The following FARP2 variants were observed in gnomAD, a reference collection of about 807,000 sequenced individuals.
The protein encoded by FARP2 is FERM, ARHGEF and pleckstrin domain-containing protein 2.
A neutral mutation model predicts 130.5 loss-of-function variants in FARP2; 111 were observed. That is an observed-to-expected ratio of 0.85 (90% confidence interval 0.73 to 1.00). The LOEUF (loss-of-function observed/expected upper bound fraction) is 1.00. Ranked by LOEUF, FARP2 falls within the 50% of genes least tolerant of loss-of-function variation. The pLI, the probability that FARP2 is intolerant of heterozygous loss-of-function variation, is 0.00. For synonymous variants in FARP2, 504 were observed against 516.9 expected (o/e 0.98, Z 0.34); for missense variants, 1,385 against 1,346.3 (o/e 1.03, Z -0.45).
intron 2 of FARP2, among the ~76,000 whole-genome samples, chr2:241,383,511 G>A (rs955526056): frequency 2.0e-5 from 3 of 152,218 alleles, no homozygotes. Context: ...GGTGGGAGTG[G>A]AGCAGAGAGG....
chr2:241,401,609 T>C (rs2062167760), intron 2 of FARP2, among the ~76,000 whole-genome samples: 3 of 152,024 alleles, frequency 2.0e-5, no homozygotes, highest in Non-Finnish European at 4.4e-5. Context: ...GCAATCCTCC[T>C]CCCTCAGGTT....
chr2:241,437,670 A>AATTTTTTT (rs2063272804), intron 12 of FARP2, among the ~76,000 whole-genome samples: 2 of 133,112 alleles, frequency 1.5e-5, no homozygotes, highest in Non-Finnish European at 3.2e-5. Context: ...TTATTTATTT[A>AATTTTTTT]TTTTTTTTTT....
In FARP2 at chr2:241,434,185, T is replaced by G. The variant is rs1382195964; in HGVS notation, c.895T>G (p.Leu299Val). 4 of 1,612,256 alleles carry G rather than the reference T, an allele frequency of 2.5e-6. No homozygotes were observed. Among genetic ancestry groups the G allele is most frequent in the Non-Finnish European group, 3.4e-6 (4 of 1,179,330 alleles). The change falls in exon 10 of 27, where the codon TTG becomes GTG. Residue 299 changes from leucine (L) to valine (V), a missense_variant. Transcript: ENST00000264042. ...ACCTTACCAGGACACATTAGAATTT[T>G]TGTTGGGTAGTAGAGATGAATGTAA... ...HGPYQDTLEFLLGSRDECKNF... is the reference protein window; with the variant it reads ...HGPYQDTLEFVLGSRDECKNF...
chr2:241,429,226 GC>G (rs1263882159), intron 8 of FARP2, among the ~76,000 whole-genome samples: 1 of 152,168 alleles, frequency 6.6e-6, no homozygotes, highest in Non-Finnish European at 1.5e-5. Context: ...TACCTGAGAT[GC>G]CCGTCTGCCT....
At chr2:241,465,347 C>A in intron 17 of FARP2, 2 of 796,330 alleles carry the variant, frequency 2.5e-6, no homozygotes, top group Middle Eastern at 3.2e-4. Flanking sequence ...CAGAGTCCCC[C>A]CTCCCCAGGG....
At chr2:241,437,160 T>C (rs760916520) in intron 12 of FARP2, among the ~76,000 whole-genome samples, 120 of 152,210 alleles carry the variant, frequency 7.9e-4, no homozygotes, top group Non-Finnish European at 9.1e-4. Flanking sequence ...AAAAAGAGTA[T>C]GTGGTAACAT....
chr2:241,483,627 C>T, intron 20 of FARP2, 94 bp downstream of exon 20: 1 of 1,400,092 alleles, frequency 7.1e-7, no homozygotes. Context: ...GCCCATTGGC[C>T]TCTGGGTAGT....
rs976637041 is a variant in FARP2 at position 241,459,755 on chromosome 2, C to A, written c.1588-2768C>A. The stretch of plus-strand genomic sequence containing the variant: ...GACATTGATCTAGAGGTGGGGGCAG[C>A]GTGGCAGCTGCTGTATTTTCTGTCC... On this transcript the variant is annotated intron_variant, in intron 14 of 26. Transcript: ENST00000264042. This position sits in a 1 kb window ranked among gnomAD's most constrained non-coding sequence, Gnocchi z 5.3. Among the ~76,000 whole-genome samples, 4 of 136,468 alleles carry A rather than the reference C, an allele frequency of 2.9e-5. No homozygotes were observed. The highest frequency in any genetic ancestry group is 1.1e-4 in the African/African-American group (4 of 36,926). The allele number at this position is 136,468 out of a possible 152,430, so 89.5% of individuals were successfully genotyped here.
At chr2:241,399,981 C>T (rs2150342238) in intron 2 of FARP2, among the ~76,000 whole-genome samples, 1 of 151,056 alleles carries the variant, frequency 6.6e-6, no homozygotes. Context: ...TACAAATACC[C>T]ATATAACTGT....
chr2:241,412,846 G>A (rs748825910), intron 6 of FARP2, among the ~76,000 whole-genome samples: 3 of 152,070 alleles, frequency 2.0e-5, no homozygotes, highest in Non-Finnish European at 4.4e-5. Flanking sequence ...TGGGCAATGT[G>A]GCAAAACCTT....
intron 9 of FARP2, among the ~76,000 whole-genome samples, chr2:241,433,836 G>GC (rs1354301825): frequency 6.6e-6 from 1 of 152,136 alleles, no homozygotes; most frequent in Non-Finnish European, 1.5e-5. Flanking sequence ...GACCAGCCTG[G>GC]CCAACATGGC....
At chr2:241,391,566 C>G (rs1019957607) in intron 2 of FARP2, among the ~76,000 whole-genome samples, 1 of 152,196 alleles carries the variant, frequency 6.6e-6, no homozygotes, top group Non-Finnish European at 1.5e-5. Flanking sequence ...CCACCTTCCC[C>G]CACTTCTGAG....
intron 2 of FARP2, among the ~76,000 whole-genome samples, chr2:241,400,770 C>T (rs1244289389): frequency 1.1e-4 from 17 of 152,148 alleles, no homozygotes. Flanking sequence ...GGAGGACTGT[C>T]CTGGTGATCC....
chr2:241,491,416 C>G, intron 23 of FARP2, 100 bp from the exon 24 acceptor site: 1 of 1,331,844 alleles, frequency 7.5e-7, no homozygotes, highest in Non-Finnish European at 1.0e-6. Context: ...AAGGGCTCCC[C>G]ATTTCCCCAG....
chr2:241,453,597 G>A (rs1323199418), intron 13 of FARP2, among the ~76,000 whole-genome samples: 1 of 151,428 alleles, frequency 6.6e-6, no homozygotes, highest in Non-Finnish European at 1.5e-5. Context: ...ACTCCAGCCT[G>A]GGTGAAAGAG....
intron 12 of FARP2, among the ~76,000 whole-genome samples, chr2:241,439,632 A>G (rs1030483807): frequency 2.0e-5 from 3 of 152,272 alleles, no homozygotes; most frequent in Admixed American, 2.0e-4. Context: ...CCCGGCCTTC[A>G]AAAGAATTTA....
chr2:241,482,458 G>A lies in FARP2; in HGVS notation c.2263-1007G>A, dbSNP rs939669302. Among the ~76,000 whole-genome samples, 2 of 152,170 alleles carry A rather than the reference G, an allele frequency of 1.3e-5. No homozygotes were observed. The highest frequency in any genetic ancestry group is 2.4e-5 in the African/African-American group (1 of 41,438). On this transcript the variant is annotated intron_variant, in intron 19 of 26. Transcript: ENST00000264042. The surrounding 1 kb of genome is among the most constrained non-coding windows in gnomAD (Gnocchi z 4.6). Reference sequence around the variant, plus strand: ...GCAGCTCACAGGGACCTCGGCGTGCGGTCTCCAGGGCTCCCTGTCACGCCC... The same window carrying A: ...GCAGCTCACAGGGACCTCGGCGTGCAGTCTCCAGGGCTCCCTGTCACGCCC...
At chr2:241,441,590 G>C (rs760411413) in intron 13 of FARP2, 34 bp downstream of exon 13, 37 of 1,613,608 alleles carry the variant, frequency 2.3e-5, no homozygotes, top group Admixed American at 1.3e-4. Context: ...AGCAGCTGTG[G>C]TTCTGTCTGT....
chr2:241,435,239 G>A (rs964201861), intron 11 of FARP2, among the ~76,000 whole-genome samples: 9 of 150,208 alleles, frequency 6.0e-5, no homozygotes, highest in African/African-American at 9.8e-5. Context: ...GAATATAGGC[G>A]CACACCACTA....
Sources: gnomAD v4.1 joint callset for allele counts (sites outside exome capture counted in the v4.1 genomes callset) on GRCh38, gnomAD v4.1.1 for gene constraint, Gnocchi (gnomAD v3.1) non-coding constraint, MANE v1.5 for transcripts, NCBI Gene and HGNC (gene_info 2026-07-23, HGNC 2026-07-21) for gene names.